The following CEP128 variants were observed in gnomAD, a reference collection of about 807,000 sequenced individuals.
The protein encoded by CEP128 is centrosomal protein 128kDa.
A neutral mutation model predicts 156.7 loss-of-function variants in CEP128; 132 were observed. The ratio of observed to expected loss-of-function variants is 0.84; its 90% CI spans 0.73 to 0.97. The LOEUF (loss-of-function observed/expected upper bound fraction) is 0.97, where lower values mean the gene tolerates loss of function less well. Among genes scored for constraint, CEP128 ranks in the 50% least tolerant of loss-of-function variants. The pLI is 0.00. For synonymous variants in CEP128, 469 were observed against 448.9 expected (o/e 1.04, Z -0.57); for missense variants, 1,252 against 1,281.9 (o/e 0.98, Z 0.36).
intron 19 of CEP128, among the ~76,000 whole-genome samples, chr14:80,692,808 C>T (rs897413399): frequency 6.6e-6 from 1 of 152,174 alleles, no homozygotes; most frequent in Admixed American, 6.5e-5. Context: ...TCACTCTGCA[C>T]TGGTTTTCCT....
At chr14:80,517,719 T>C (rs549367162) in intron 23 of CEP128, among the ~76,000 whole-genome samples, 1 of 152,280 alleles carries the variant, frequency 6.6e-6, no homozygotes, top group South Asian at 2.1e-4. Context: ...GCCTCACAGA[T>C]TCCAAGGAAT....
chr14:80,731,170 G>A (rs1449980856), intron 19 of CEP128, among the ~76,000 whole-genome samples: 2 of 152,186 alleles, frequency 1.3e-5, no homozygotes, highest in Non-Finnish European at 2.9e-5. Flanking sequence ...AGGAAAGCCA[G>A]GTTGGTTTCA....
chr14:80,567,367 C>T (rs1303603108), intron 20 of CEP128, among the ~76,000 whole-genome samples: 1 of 152,074 alleles, frequency 6.6e-6, no homozygotes, highest in Admixed American at 6.6e-5. Flanking sequence ...GAGAAAGATA[C>T]AGAAATGGGG....
At chr14:80,687,251 T>C (rs1896557193) in intron 19 of CEP128, among the ~76,000 whole-genome samples, 1 of 151,982 alleles carries the variant, frequency 6.6e-6, no homozygotes, top group Non-Finnish European at 1.5e-5. Flanking sequence ...AATCAACAAA[T>C]GGTTCTACCA....
chr14:80,700,852 C>G (rs2139360234), intron 19 of CEP128, among the ~76,000 whole-genome samples: 1 of 152,252 alleles, frequency 6.6e-6, no homozygotes, highest in East Asian at 1.9e-4. Flanking sequence ...CCCATTTTAG[C>G]AACTCAAGAG....
chr14:80,902,307 A>G (rs548598672), intron 6 of CEP128, among the ~76,000 whole-genome samples: 2 of 152,368 alleles, frequency 1.3e-5, no homozygotes, highest in South Asian at 4.1e-4. Flanking sequence ...AAACAGAAGG[A>G]AAGAGTAAAT....
intron 2 of CEP128, among the ~76,000 whole-genome samples, chr14:80,948,887 C>CT: frequency 6.6e-6 from 1 of 152,278 alleles, no homozygotes; most frequent in East Asian, 1.9e-4. Context: ...GTTGAGCAGA[C>CT]TATTAGAACA....
intron 10 of CEP128, 30 bp from the exon 11 acceptor site, chr14:80,838,308 T>C (rs1369759923): frequency 2.0e-6 from 3 of 1,518,458 alleles, no homozygotes; most frequent in Non-Finnish European, 2.7e-6. Flanking sequence ...TAAAGAAAAA[T>C]GCCCAATGGA....
intron 19 of CEP128, among the ~76,000 whole-genome samples, chr14:80,601,939 A>G (rs932479499): frequency 6.6e-6 from 1 of 152,232 alleles, no homozygotes; most frequent in Non-Finnish European, 1.5e-5. Context: ...GCAGATTTAT[A>G]AATGCATATA....
intron 19 of CEP128, among the ~76,000 whole-genome samples, chr14:80,614,322 G>A (rs1893124661): frequency 6.6e-6 from 1 of 151,994 alleles, no homozygotes; most frequent in Admixed American, 6.6e-5. Context: ...TCTTATTTGG[G>A]ATCTCTGCAG....
intron 19 of CEP128, among the ~76,000 whole-genome samples, chr14:80,590,300 A>G (rs761797639): frequency 1.3e-5 from 2 of 152,196 alleles, no homozygotes; most frequent in Non-Finnish European, 2.9e-5. Flanking sequence ...ATCCACATGA[A>G]GATGCTTCAT....
intron 24 of CEP128, among the ~76,000 whole-genome samples, chr14:80,498,570 A>G (rs1360697663): frequency 6.6e-6 from 1 of 152,154 alleles, no homozygotes; most frequent in Non-Finnish European, 1.5e-5. Context: ...ACTATCAGGA[A>G]GATGCTTCCC....
chr14:80,677,874 T>A (rs1187184792), intron 19 of CEP128, among the ~76,000 whole-genome samples: 1 of 151,964 alleles, frequency 6.6e-6, no homozygotes, highest in Non-Finnish European at 1.5e-5. Flanking sequence ...AGTATGAATG[T>A]TGAAAAACAT....
intron 19 of CEP128, among the ~76,000 whole-genome samples, chr14:80,654,194 G>A (rs1895034462): frequency 6.6e-6 from 1 of 152,094 alleles, no homozygotes; most frequent in Non-Finnish European, 1.5e-5. Flanking sequence ...AAACCAGAAA[G>A]TGTCATATTA....
chr14:80,579,222 C>T (rs1891485468), intron 20 of CEP128, among the ~76,000 whole-genome samples: 1 of 152,144 alleles, frequency 6.6e-6, no homozygotes, highest in African/African-American at 2.4e-5. Flanking sequence ...GTACAAAGAG[C>T]TATGCTTTTT....
chr14:80,808,684 A>G (rs1595434771), intron 13 of CEP128, among the ~76,000 whole-genome samples: 1 of 152,296 alleles, frequency 6.6e-6, no homozygotes, highest in East Asian at 1.9e-4. Flanking sequence ...CTTTATCACC[A>G]GGAAAAATTC....
intron 19 of CEP128, among the ~76,000 whole-genome samples, chr14:80,680,681 C>T (rs1462113222): frequency 6.6e-6 from 1 of 152,142 alleles, no homozygotes; most frequent in Non-Finnish European, 1.5e-5. Flanking sequence ...GAAGGATGTA[C>T]TCTCCTAGAT....
chr14:80,748,878 A>T (rs1899241933), intron 18 of CEP128, among the ~76,000 whole-genome samples: 1 of 152,154 alleles, frequency 6.6e-6, no homozygotes, highest in South Asian at 2.1e-4. Flanking sequence ...GCTCCCAGGG[A>T]GCATTTCTAC....
intron 19 of CEP128, among the ~76,000 whole-genome samples, chr14:80,643,490 G>A (rs990046185): frequency 2.0e-5 from 3 of 152,104 alleles, no homozygotes; most frequent in Admixed American, 6.6e-5. Context: ...AGGTCAAGAT[G>A]GGTGGATCAT....
Sources: gnomAD v4.1 joint callset for allele counts (sites outside exome capture counted in the v4.1 genomes callset) on GRCh38, gnomAD v4.1.1 for gene constraint, MANE v1.5 for transcripts, NCBI Gene and HGNC (gene_info 2026-07-23, HGNC 2026-07-21) for gene names.